Variants in SLC8A1 observed in about 807,000 individuals in gnomAD.
SLC8A1 encodes solute carrier family 8 member A1, also known as sodium/calcium exchanger 1.
Under a neutral mutation model 68.3 loss-of-function variants are expected in SLC8A1, and 18 were observed. That is an observed-to-expected ratio of 0.26 (90% CI 0.18 to 0.39). The LOEUF (loss-of-function observed/expected upper bound fraction) is 0.39. Among genes scored for constraint, SLC8A1 ranks in the 10% least tolerant of loss-of-function variants. The probability of loss-of-function intolerance (pLI) is 1.00; values close to 1 mark genes in which losing one functional copy is unlikely to be tolerated. For synonymous variants in SLC8A1, 475 were observed against 415.5 expected (o/e 1.14, Z -1.74); for missense variants, 985 against 1,156.7 (o/e 0.85, Z 2.15).
intron 2 of SLC8A1, among the ~76,000 whole-genome samples, chr2:40,329,110 C>G (rs1344742975): frequency 1.3e-5 from 2 of 149,586 alleles, no homozygotes; most frequent in Non-Finnish European, 3.0e-5. Context: ...ACGCACTGGA[C>G]TATTTAAAAT....
chr2:40,326,307 G>A (rs2075819650), intron 2 of SLC8A1, among the ~76,000 whole-genome samples: 1 of 152,020 alleles, frequency 6.6e-6, no homozygotes, highest in Non-Finnish European at 1.5e-5. Flanking sequence ...TTGGTACAGT[G>A]CACTATGTAA....
chr2:40,400,294 T>C (rs1688322531), intron 2 of SLC8A1, among the ~76,000 whole-genome samples: 1 of 152,122 alleles, frequency 6.6e-6, no homozygotes. Flanking sequence ...TCACTACATT[T>C]ATTTCCATTA....
At chr2:40,251,503 G>T (rs1382644253) in intron 2 of SLC8A1, 1 of 152,176 alleles carries the variant, frequency 6.6e-6, no homozygotes, top group Non-Finnish European at 1.5e-5. Flanking sequence ...GATAAACCTG[G>T]CAGACCAGGG....
At chr2:40,125,559 A>G (rs1030126932) in intron 7 of SLC8A1, among the ~76,000 whole-genome samples, 8 of 152,296 alleles carry the variant, frequency 5.3e-5, no homozygotes, top group African/African-American at 1.4e-4. Flanking sequence ...TTGTGCTACA[A>G]ATACCTTCTA....
At chr2:40,343,213 C>T (rs527283503) in intron 2 of SLC8A1, among the ~76,000 whole-genome samples, 1 of 152,040 alleles carries the variant, frequency 6.6e-6, no homozygotes, top group East Asian at 1.9e-4. Flanking sequence ...CTGTGAATAC[C>T]TCTTTTAAAC....
intron 1 of SLC8A1, among the ~76,000 whole-genome samples, chr2:40,490,913 G>T (rs1705272293): frequency 6.6e-6 from 1 of 151,976 alleles, no homozygotes; most frequent in African/African-American, 2.4e-5. Flanking sequence ...CGCAAATCAG[G>T]AATAATGAAG....
exon 2 of SLC8A1, chr2:40,429,057 C>A: frequency 6.2e-7 from 1 of 1,611,978 alleles, no homozygotes; most frequent in Non-Finnish European, 8.5e-7. Flanking sequence ...CAAAGAAGAT[C>A]TTACTAACAG....
intron 2 of SLC8A1, among the ~76,000 whole-genome samples, chr2:40,206,499 T>C (rs2055476946): frequency 6.6e-6 from 1 of 152,066 alleles, no homozygotes; most frequent in African/African-American, 2.4e-5. Flanking sequence ...GATTCTTCCT[T>C]CTTTTTAATT....
At chr2:40,131,854 T>A (rs1200278524) in intron 7 of SLC8A1, among the ~76,000 whole-genome samples, 1 of 120,384 alleles carries the variant, frequency 8.3e-6, no homozygotes, top group African/African-American at 2.9e-5. Flanking sequence ...TATCTTGGTA[T>A]TCTATTTTTT....
intron 2 of SLC8A1, among the ~76,000 whole-genome samples, chr2:40,428,080 G>C (rs895035901): frequency 2.0e-5 from 3 of 152,100 alleles, no homozygotes; most frequent in South Asian, 2.1e-4. Context: ...AACGAAGTTA[G>C]AGACCTATTG....
intron 2 of SLC8A1, among the ~76,000 whole-genome samples, chr2:40,303,481 A>G (rs2071936356): frequency 6.6e-6 from 1 of 152,184 alleles, no homozygotes; most frequent in Non-Finnish European, 1.5e-5. Context: ...AGTACAGCCC[A>G]TGTTAAAGAC....
At chr2:40,248,873 T>C (rs904342636) in intron 2 of SLC8A1, among the ~76,000 whole-genome samples, 3 of 152,216 alleles carry the variant, frequency 2.0e-5, no homozygotes, top group African/African-American at 7.2e-5. Context: ...ATTATTTATC[T>C]ATGCATAGTG....
At chr2:40,359,837 C>T (rs527326707) in intron 2 of SLC8A1, among the ~76,000 whole-genome samples, 6 of 151,798 alleles carry the variant, frequency 4.0e-5, no homozygotes, top group Non-Finnish European at 7.4e-5. Flanking sequence ...TAAAATATTG[C>T]TGCTGCAGCT....
At position 40,305,718 on chromosome 2, in the gene SLC8A1, C is replaced by G. The variant is rs143347071; in HGVS notation, c.1808+122755G>C. On this transcript the variant is annotated intron_variant, in intron 2 of 7. Coordinates refer to ENST00000406785, the Ensembl canonical transcript of SLC8A1. ...ATTCCAAAGATTAGCATCTACTTCA[C>G]TGACATAATTCACTTTCATGGACAT... Among the ~76,000 whole-genome samples the G allele has an allele frequency of 3.9e-3, 600 of 152,296 alleles. 4 individuals carry two copies. The highest frequency in any genetic ancestry group is 0.014 in the African/African-American group (577 of 41,558).
Position 40,503,391 on chromosome 2 carries a change from A to G in SLC8A1, c.-25+8958T>C, listed in dbSNP as rs17026094. Among the ~76,000 whole-genome samples the G allele has an allele frequency of 6.9e-3, 1,052 of 152,102 alleles. 28 individuals are homozygous for G. The East Asian group carries it at 0.086, about 12-fold the overall frequency. ...TCCAGCTACTAAATGAACTTGGTATAGTGAGATAGTCACACAATTACACTG... is the reference window on the plus strand; with the variant it reads ...TCCAGCTACTAAATGAACTTGGTATGGTGAGATAGTCACACAATTACACTG... On this transcript the variant is annotated intron_variant, in intron 1 of 7. Transcript: ENST00000402441.
intron 7 of SLC8A1, among the ~76,000 whole-genome samples, chr2:40,125,798 A>G (rs2037959294): frequency 6.6e-6 from 1 of 152,176 alleles, no homozygotes; most frequent in South Asian, 2.1e-4. Context: ...CTAAGCTGCT[A>G]AGAATATGCC....
intron 2 of SLC8A1, among the ~76,000 whole-genome samples, chr2:40,381,094 C>G (rs1480223921): frequency 6.6e-6 from 1 of 152,072 alleles, no homozygotes; most frequent in African/African-American, 2.4e-5. Flanking sequence ...TTTCCACCAA[C>G]CAGGCAAGCC....
intron 1 of SLC8A1, among the ~76,000 whole-genome samples, chr2:40,496,958 A>T (rs1225640336): frequency 6.7e-6 from 1 of 149,276 alleles, no homozygotes; most frequent in African/African-American, 2.5e-5. Flanking sequence ...TAGCATTGGG[A>T]GATATACCTA....
chr2:40,510,540 A>G (rs1444001146), intron 1 of SLC8A1, among the ~76,000 whole-genome samples: 2 of 152,196 alleles, frequency 1.3e-5, no homozygotes, highest in Non-Finnish European at 2.9e-5. Flanking sequence ...TGAAAATTGC[A>G]AAGACTCCTG....
Sources: allele counts gnomAD v4.1 joint callset (sites outside exome capture counted in the v4.1 genomes callset), GRCh38; gene constraint gnomAD v4.1.1; transcripts MANE v1.5; gene names NCBI Gene and HGNC (gene_info 2026-07-23, HGNC 2026-07-21).